ST3GAL3: variants seen among roughly 807,000 people sequenced by gnomAD.
The protein encoded by ST3GAL3 is ST3 beta-galactoside alpha-2,3-sialyltransferase 3, also known as CMP-N-acetylneuraminate-beta-1,4-galactoside alpha-2,3-sialyltransferase.
ST3GAL3 carries 21 observed loss-of-function variants against 50.1 expected under a neutral mutation model. The ratio of observed to expected loss-of-function variants is 0.42; its 90% confidence interval spans 0.30 to 0.60. The LOEUF (loss-of-function observed/expected upper bound fraction) is 0.60. Ranked by LOEUF, ST3GAL3 falls within the 20% of genes least tolerant of loss-of-function variation. The pLI is 0.19. For missense variants in ST3GAL3, 353 were observed against 489.4 expected (o/e 0.72, Z 2.63); for synonymous variants, 183 against 190.0 (o/e 0.96, Z 0.30).
intron 4 of ST3GAL3, among the ~76,000 whole-genome samples, chr1:43,835,149 T>A (rs2064126087): frequency 6.6e-6 from 1 of 152,202 alleles, no homozygotes. Context: ...AAAGGCCAGC[T>A]GCAGAGTAGG....
chr1:43,850,919 A>G (rs2067170394), intron 5 of ST3GAL3: 1 of 1,205,276 alleles, frequency 8.3e-7, no homozygotes, highest in Non-Finnish European at 1.2e-6. Context: ...CAGTCTTGGG[A>G]TCCATACTTT....
At chr1:43,715,628 A>G (rs1371715616) in intron 1 of ST3GAL3, among the ~76,000 whole-genome samples, 3 of 152,072 alleles carry the variant, frequency 2.0e-5, no homozygotes, top group African/African-American at 7.2e-5. Context: ...CATCTCTTCA[A>G]AAAATTAAAA....
intron 11 of ST3GAL3, among the ~76,000 whole-genome samples, chr1:43,924,870 CTGA>C (rs887196165): frequency 4.6e-5 from 7 of 152,212 alleles, no homozygotes; most frequent in Admixed American, 4.6e-4. Flanking sequence ...GCAGCCCTCT[CTGA>C]TGGAGTCTTT....
At chr1:43,719,675 G>A (rs1180547497) in intron 1 of ST3GAL3, among the ~76,000 whole-genome samples, 4 of 148,110 alleles carry the variant, frequency 2.7e-5, no homozygotes, top group Non-Finnish European at 4.5e-5. Flanking sequence ...AAAAAAAAAA[G>A]AATAAGCGGT....
At chr1:43,916,003 C>T (rs1258356367) in intron 9 of ST3GAL3, among the ~76,000 whole-genome samples, 5 of 152,156 alleles carry the variant, frequency 3.3e-5, no homozygotes, top group African/African-American at 4.8e-5. Flanking sequence ...CCTGTAATCC[C>T]AGCTACTCAG....
intron 5 of ST3GAL3, among the ~76,000 whole-genome samples, chr1:43,856,093 C>T (rs1157112455): frequency 6.6e-6 from 1 of 152,232 alleles, no homozygotes; most frequent in East Asian, 1.9e-4. Flanking sequence ...GATCTCGTCA[C>T]ATTCTTTTAT....
At chr1:43,910,724 T>C (rs2080662578) in intron 9 of ST3GAL3, among the ~76,000 whole-genome samples, 1 of 152,236 alleles carries the variant, frequency 6.6e-6, no homozygotes, top group African/African-American at 2.4e-5. Context: ...CCTGCATGTT[T>C]TGGGCATAGA....
intron 1 of ST3GAL3, among the ~76,000 whole-genome samples, chr1:43,710,991 T>C (rs951742165): frequency 6.6e-6 from 1 of 152,246 alleles, no homozygotes; most frequent in Non-Finnish European, 1.5e-5. Flanking sequence ...AAATATATTT[T>C]ATATTGAAAA....
intron 2 of ST3GAL3, among the ~76,000 whole-genome samples, chr1:43,776,086 G>A (rs1697126357): frequency 6.6e-6 from 1 of 152,166 alleles, no homozygotes; most frequent in East Asian, 1.9e-4. Flanking sequence ...TCAAAATTCA[G>A]TGGTTTTTAG....
At chr1:43,785,119 G>A (rs2057136764) in intron 2 of ST3GAL3, among the ~76,000 whole-genome samples, 1 of 152,120 alleles carries the variant, frequency 6.6e-6, no homozygotes, top group Non-Finnish European at 1.5e-5. Context: ...AAGACTGGGG[G>A]GGTTAGATCC....
intron 11 of ST3GAL3, chr1:43,921,396 G>T (rs2083016683): frequency 2.4e-6 from 1 of 411,736 alleles, no homozygotes; most frequent in Non-Finnish European, 4.3e-6. Context: ...TACATTACAG[G>T]TCTCCAGCCT....
intron 5 of ST3GAL3, among the ~76,000 whole-genome samples, chr1:43,890,703 A>G (rs920509449): frequency 6.6e-6 from 1 of 152,030 alleles, no homozygotes; most frequent in Non-Finnish European, 1.5e-5. Flanking sequence ...GTGAGACTTC[A>G]TCTCTACTAA....
intron 5 of ST3GAL3, chr1:43,851,364 A>C: frequency 6.3e-7 from 1 of 1,585,154 alleles, no homozygotes. Flanking sequence ...GTTACACTCA[A>C]AGTTTGCAGG....
chr1:43,803,406 T>G (rs184411089), intron 3 of ST3GAL3, among the ~76,000 whole-genome samples: 109 of 152,250 alleles, frequency 7.2e-4, no homozygotes, highest in African/African-American at 2.6e-3. Context: ...CATTCACCAT[T>G]TGTTGGATGT....
At chr1:43,858,606 G>C (rs1268957366) in intron 5 of ST3GAL3, among the ~76,000 whole-genome samples, 1 of 152,224 alleles carries the variant, frequency 6.6e-6, no homozygotes, top group Non-Finnish European at 1.5e-5. Flanking sequence ...CCTGAGCTGT[G>C]TGAGGCTCCC....
At chr1:43,823,376 G>A (rs1377294856) in intron 4 of ST3GAL3, among the ~76,000 whole-genome samples, 1 of 152,116 alleles carries the variant, frequency 6.6e-6, no homozygotes, top group East Asian at 1.9e-4. Flanking sequence ...TCCTTGCTGT[G>A]ATTCGGATAT....
intron 6 of ST3GAL3, 50 bp from the exon 7 acceptor site, chr1:43,898,185 A>G (rs146184700): frequency 1.3e-5 from 21 of 1,592,552 alleles, no homozygotes; most frequent in Non-Finnish European, 1.8e-5. Context: ...TAAACATTTT[A>G]TAGAAAGGTA....
chr1:43,805,573 G>A (rs528232772), intron 3 of ST3GAL3, among the ~76,000 whole-genome samples: 1 of 152,316 alleles, frequency 6.6e-6, no homozygotes, highest in South Asian at 2.1e-4. Flanking sequence ...ATAGTGTTAG[G>A]TGATGCACCT....
intron 9 of ST3GAL3, among the ~76,000 whole-genome samples, chr1:43,917,621 A>G (rs2082227279): frequency 1.4e-5 from 1 of 73,634 alleles, no homozygotes; most frequent in Non-Finnish European, 2.4e-5. Context: ...TATATATTAT[A>G]TTATATATAA....
Sources: gnomAD v4.1 joint callset for allele counts (sites outside exome capture counted in the v4.1 genomes callset) on GRCh38, gnomAD v4.1.1 for gene constraint, MANE v1.5 for transcripts, NCBI Gene and HGNC (gene_info 2026-07-23, HGNC 2026-07-21) for gene names.